The following SLC49A4 variants were observed in gnomAD, a reference collection of about 807,000 sequenced individuals.
SLC49A4 encodes disrupted in renal cancer protein 2.
In SLC49A4, 36 loss-of-function variants were observed where a neutral mutation model predicts 50.6. The observed-to-expected ratio is 0.71, with a 90% CI of 0.55 to 0.94. The LOEUF (loss-of-function observed/expected upper bound fraction) is 0.94, where lower values mean the gene tolerates loss of function less well. Among genes scored for constraint, SLC49A4 ranks in the 40% least tolerant of loss-of-function variants. The pLI is 0.00. For missense variants in SLC49A4, 503 were observed against 605.7 expected (o/e 0.83, Z 1.78); for synonymous variants, 248 against 241.2 (o/e 1.03, Z -0.26).
chr3:122,811,669 C>T lies in SLC49A4; in HGVS notation c.437+4719C>T, dbSNP rs549071535. On this transcript the variant is annotated intron_variant, in intron 2 of 8. Transcript: ENST00000261038. ...CAGAAGGCTGGATGTAACCCAGATG[C>T]CTTCAGCAGAGAACTGATTAGGATG... 5.9e-5 allele frequency among the ~76,000 whole-genome samples: 9 copies of T among 152,280 alleles called. No homozygotes were observed. The East Asian group carries it at 1.7e-3, about 29-fold the overall frequency.
intron 2 of SLC49A4, among the ~76,000 whole-genome samples, chr3:122,811,512 CA>C (rs1381389594): frequency 6.6e-6 from 1 of 152,174 alleles, no homozygotes; most frequent in African/African-American, 2.4e-5. Context: ...GGCACTTTGG[CA>C]GTATTTACCA....
intron 7 of SLC49A4, among the ~76,000 whole-genome samples, chr3:122,866,017 C>G (rs575751916): frequency 2.0e-5 from 3 of 152,024 alleles, no homozygotes; most frequent in Non-Finnish European, 4.4e-5. Flanking sequence ...CACCAAGAAG[C>G]ACCTACAAGT....
intron 2 of SLC49A4, among the ~76,000 whole-genome samples, chr3:122,820,729 TC>T (rs1936437234): frequency 6.6e-6 from 1 of 152,226 alleles, no homozygotes; most frequent in Non-Finnish European, 1.5e-5. Flanking sequence ...GGGGCACTAA[TC>T]GAGGGCAGTG....
chr3:122,850,428 A>G (rs1483760663), intron 5 of SLC49A4, among the ~76,000 whole-genome samples: 2 of 152,202 alleles, frequency 1.3e-5, no homozygotes, highest in Admixed American at 1.3e-4. Flanking sequence ...CTTGGGGTAA[A>G]TGCTGCAGCT....
At position 122,860,067 on chromosome 3, in the gene SLC49A4, G is replaced by GT. The variant is rs748205765; in HGVS notation, c.1011-3dup. The GT allele has an allele frequency of 6.3e-7, 1 of 1,599,046 alleles. No individual in the cohort carries two copies. The highest frequency in any genetic ancestry group is 8.5e-7 in the Non-Finnish European group (1 of 1,174,734). Reference sequence around the variant, plus strand: ...CCACTAGAATTAATAGAGCATTTTTGTTTTTAGGTTTGCAGATTTTATCAG... The same window carrying GT: ...CCACTAGAATTAATAGAGCATTTTTGTTTTTTAGGTTTGCAGATTTTATCAG... On this transcript the variant is annotated splice_polypyrimidine_tract_variant and splice_region_variant and intron_variant, in intron 6 of 8. Coordinates refer to ENST00000261038, the MANE Select transcript of SLC49A4 (RefSeq NM_032839.3).
chr3:122,812,847 A>T (rs1260994837), intron 2 of SLC49A4, among the ~76,000 whole-genome samples: 1 of 152,236 alleles, frequency 6.6e-6, no homozygotes, highest in Non-Finnish European at 1.5e-5. Context: ...AGGCAACTCA[A>T]GGCAAGTAAA....
At chr3:122,846,584 A>T (rs1380665120) in intron 5 of SLC49A4, among the ~76,000 whole-genome samples, 1 of 152,230 alleles carries the variant, frequency 6.6e-6, no homozygotes, top group Non-Finnish European at 1.5e-5. Flanking sequence ...CGTATAGTAT[A>T]TGCTACTTTG....
At chr3:122,864,069 T>C (rs1214881719) in intron 7 of SLC49A4, among the ~76,000 whole-genome samples, 1 of 152,112 alleles carries the variant, frequency 6.6e-6, no homozygotes, top group Admixed American at 6.6e-5. Flanking sequence ...AAAACTAAAA[T>C]TTTCTATGGC....
intron 1 of SLC49A4, among the ~76,000 whole-genome samples, chr3:122,799,605 C>G (rs1156711566): frequency 6.6e-6 from 1 of 152,122 alleles, no homozygotes; most frequent in Non-Finnish European, 1.5e-5. Context: ...AGGGCTCACT[C>G]CATTGACGGG....
intron 6 of SLC49A4, among the ~76,000 whole-genome samples, chr3:122,857,479 A>G (rs1480820953): frequency 2.6e-5 from 4 of 152,154 alleles, no homozygotes; most frequent in Admixed American, 1.3e-4. Flanking sequence ...TGGGAAGATC[A>G]AATATAAGAT....
intron 2 of SLC49A4, among the ~76,000 whole-genome samples, chr3:122,807,565 T>C (rs9866242): frequency 0.45 from 68,541 of 152,004 alleles, 16,288 homozygotes; most frequent in South Asian, 0.55. Flanking sequence ...TTTGTTTTTA[T>C]ATTGGTTATG....
intron 1 of SLC49A4, among the ~76,000 whole-genome samples, chr3:122,795,995 A>G (rs1475650253): frequency 6.6e-6 from 1 of 152,242 alleles, no homozygotes; most frequent in Non-Finnish European, 1.5e-5. Flanking sequence ...ACTCCAGCCC[A>G]GGAAGAGCTA....
intron 4 of SLC49A4, among the ~76,000 whole-genome samples, chr3:122,836,974 G>A (rs1351563856): frequency 6.6e-6 from 1 of 152,096 alleles, no homozygotes; most frequent in Non-Finnish European, 1.5e-5. Context: ...GCTTCAAAGA[G>A]AATAAAATAC....
chr3:122,858,657 TAAG>T (rs1176233790), intron 6 of SLC49A4, among the ~76,000 whole-genome samples: 7 of 152,196 alleles, frequency 4.6e-5, no homozygotes, highest in Admixed American at 2.0e-4. Context: ...TTCAAAGTTT[TAAG>T]AAGGACAGTC....
chr3:122,878,103 T>G (rs552914778), intron 8 of SLC49A4, among the ~76,000 whole-genome samples: 1 of 152,194 alleles, frequency 6.6e-6, no homozygotes. Context: ...ATTGCTCCTT[T>G]AGCCATAAGA....
intron 2 of SLC49A4, among the ~76,000 whole-genome samples, chr3:122,819,594 A>G (rs1427550937): frequency 6.6e-6 from 1 of 152,218 alleles, no homozygotes; most frequent in Non-Finnish European, 1.5e-5. Context: ...CAAAAATAAA[A>G]TAGATTTTTG....
intron 4 of SLC49A4, among the ~76,000 whole-genome samples, chr3:122,833,829 T>A (rs1235205654): frequency 6.6e-6 from 1 of 152,202 alleles, no homozygotes; most frequent in East Asian, 1.9e-4. Flanking sequence ...TAACTTATTA[T>A]GTATTTGTTA....
intron 4 of SLC49A4, among the ~76,000 whole-genome samples, chr3:122,841,410 G>A (rs1429834373): frequency 6.6e-6 from 1 of 152,106 alleles, no homozygotes; most frequent in East Asian, 1.9e-4. Context: ...AAAATAATTA[G>A]AACTGAATCC....
chr3:122,879,608 C>T lies in SLC49A4; in HGVS notation c.*230C>T, dbSNP rs1937308468. On this transcript the variant is annotated 3_prime_UTR_variant, in exon 9 of 9. Coordinates refer to ENST00000261038, the MANE Select transcript of SLC49A4 (RefSeq NM_032839.3). ...AAACTCTACAGATGGCATACCTGTGCCTGCTTCTGGGGTTGGAAGTGTGAC... is the reference window on the plus strand; with the variant it reads ...AAACTCTACAGATGGCATACCTGTGTCTGCTTCTGGGGTTGGAAGTGTGAC... 2.7e-6 allele frequency: 1 copy of T among 374,164 alleles called. No homozygotes were observed. Among genetic ancestry groups the T allele is most frequent in the African/African-American group, 2.1e-5 (1 of 47,464 alleles). 23.2% of individuals were successfully genotyped at this position (374,164 alleles called of 1,614,324 possible).
Sources: allele counts gnomAD v4.1 joint callset (sites outside exome capture counted in the v4.1 genomes callset), GRCh38; gene constraint gnomAD v4.1.1; transcripts MANE v1.5; gene names NCBI Gene and HGNC (gene_info 2026-07-23, HGNC 2026-07-21).